Variants in CLEC2B observed in about 807,000 individuals in gnomAD.
CLEC2B encodes the protein C-type lectin domain family 2 member B.
A neutral mutation model predicts 16.2 loss-of-function variants in CLEC2B; 14 were observed. The observed-to-expected ratio is 0.86, with a 90% confidence interval of 0.57 to 1.35. The LOEUF is 1.35. Ranked by LOEUF, CLEC2B falls within the 40% of genes most tolerant of loss-of-function variation. CLEC2B has a pLI of 0.00. For synonymous variants in CLEC2B, 42 were observed against 55.8 expected, an observed-to-expected ratio of 0.75 and a Z score of 1.10; for missense variants, 166 against 182.3, an observed-to-expected ratio of 0.91 and a Z score of 0.52.
At chr12:9,862,289 A>T (rs1867938822) in intron 2 of CLEC2B, among the ~76,000 whole-genome samples, 1 of 152,108 alleles carries the variant, frequency 6.6e-6, no homozygotes, top group Admixed American at 6.6e-5. Flanking sequence ...TGAGATTATC[A>T]GGGTGAATAA....
intron 4 of CLEC2B, among the ~76,000 whole-genome samples, chr12:9,853,820 C>T (rs769817461): frequency 7.2e-5 from 11 of 152,062 alleles, no homozygotes; most frequent in Non-Finnish European, 5.9e-5. Context: ...CCCTTTTCCA[C>T]GACAGAGAGG....
At chr12:9,859,621 G>A (rs762300629) in intron 2 of CLEC2B, among the ~76,000 whole-genome samples, 4 of 151,672 alleles carry the variant, frequency 2.6e-5, no homozygotes, top group Non-Finnish European at 5.9e-5. Flanking sequence ...ACTTCTAATC[G>A]TTTAGGAAAG....
At chr12:9,853,945 C>T (rs532134115) in intron 4 of CLEC2B, among the ~76,000 whole-genome samples, 1 of 152,078 alleles carries the variant, frequency 6.6e-6, no homozygotes, top group East Asian at 1.9e-4. Context: ...AATTATAATG[C>T]TAAAGATATG....
At chr12:9,853,506 G>T in intron 4 of CLEC2B, 98 bp from the exon 5 acceptor site, 1 of 844,026 alleles carries the variant, frequency 1.2e-6, no homozygotes, top group Non-Finnish European at 2.0e-6. Context: ...GTGCTGCAAG[G>T]TGTACTATGG....
Position 9,862,580 on chromosome 12 carries a change from A to C in CLEC2B, c.-2-7T>G, listed in dbSNP as rs749286855. The C allele has an allele frequency of 6.9e-7, 1 of 1,449,814 alleles. No homozygotes were observed. The highest frequency in any genetic ancestry group is 1.3e-5 in the South Asian group (1 of 77,994). 89.8% of individuals were successfully genotyped at this position (1,449,814 alleles called of 1,614,324 possible). The stretch of plus-strand genomic sequence containing the variant: ...TTATGTTTGGTCATCATACCTGAAA[A>C]ATAAAAATAAAGACATTTAGGAGAC... On this transcript the variant is annotated splice_polypyrimidine_tract_variant and splice_region_variant and intron_variant, in intron 1 of 4. Transcript: ENST00000228438.
At chr12:9,861,609 C>T (rs185066773) in intron 2 of CLEC2B, among the ~76,000 whole-genome samples, 1 of 152,138 alleles carries the variant, frequency 6.6e-6, no homozygotes, top group East Asian at 1.9e-4. Context: ...TTGTTCACAA[C>T]CACCCAATTT....
rs760643799 is a variant in CLEC2B at position 9,857,519 on chromosome 12, G to C, written c.192C>G (p.Ser64=). ...TTATAGTTAGGTCGGCATGTTGAGT[G>C]GAACAGTTGTATTTACTTGAATTCC... is the stretch of plus-strand genomic sequence containing the variant. ...GDWNSSKYNC[S]TQHADLTIID... The change falls in exon 3 of 5, where the codon TCC becomes TCG. Residue 64 remains serine, a synonymous_variant. Transcript: ENST00000228438. 6.2e-7 allele frequency: 1 copy of C among 1,610,856 alleles called. No homozygotes were observed. The highest frequency in any genetic ancestry group is 8.5e-7 in the Non-Finnish European group (1 of 1,177,686).
At chr12:9,865,180 CAAAAAA>C (rs56774558) in intron 1 of CLEC2B, among the ~76,000 whole-genome samples, 11 of 99,098 alleles carry the variant, frequency 1.1e-4, no homozygotes, top group East Asian at 2.8e-4. Flanking sequence ...AAGACTCTCT[CAAAAAA>C]AAAAAAAAAA....
chr12:9,865,097 C>T (rs542350994), intron 1 of CLEC2B, among the ~76,000 whole-genome samples: 13 of 148,746 alleles, frequency 8.7e-5, no homozygotes, highest in African/African-American at 2.7e-4. Flanking sequence ...GCAGGAGAGT[C>T]GCTTGAATCC....
At position 9,854,486 on chromosome 12, in the gene CLEC2B, T is replaced by C; in HGVS notation, c.238-2A>G. On this transcript the variant is annotated splice_acceptor_variant, in intron 3 of 4. Transcript: ENST00000228438. LOFTEE classifies it high-confidence loss of function. ...GCATTTATACCGCCTAAGAAAATTC[T>C]TTAGAGACAAAATTAATTTCAAAAT... is the stretch of plus-strand genomic sequence containing the variant. The C allele has an allele frequency of 6.3e-7, 1 of 1,597,604 alleles. No homozygotes were observed. Among genetic ancestry groups the C allele is most frequent in the East Asian group, 2.2e-5 (1 of 44,770 alleles).
intron 1 of CLEC2B, among the ~76,000 whole-genome samples, chr12:9,863,933 A>G (rs1867951427): frequency 6.6e-6 from 1 of 152,174 alleles, no homozygotes; most frequent in Admixed American, 6.5e-5. Context: ...AGAGATAAAG[A>G]TTCAGGCAGA....
chr12:9,861,456 C>T (rs1428359684), intron 2 of CLEC2B, among the ~76,000 whole-genome samples: 2 of 152,136 alleles, frequency 1.3e-5, no homozygotes, highest in African/African-American at 4.8e-5. Flanking sequence ...AATTGGAATT[C>T]TCATATACTT....
Position 9,854,464 on chromosome 12 carries a change from T to C in CLEC2B, c.258A>G (p.Lys86=). Residue 86 remains lysine, a synonymous_variant, in exon 4 of 5, where the codon AAA becomes AAG. Coordinates refer to ENST00000228438, the MANE Select transcript of CLEC2B (RefSeq NM_005127.3). ...GTCCAATCCAGTGATCAGAACTGCA[T>C]TTATACCGCCTAAGAAAATTCTTTA... The part of the protein sequence containing the change: ...IEEMNFLRRY[K]CSSDHWIGLK... The C allele has an allele frequency of 6.2e-7, 1 of 1,612,666 alleles. No individual in the cohort carries two copies. Among genetic ancestry groups the C allele is most frequent in the Non-Finnish European group, 8.5e-7 (1 of 1,178,712 alleles).
At chr12:9,860,073 T>A (rs556838718) in intron 2 of CLEC2B, among the ~76,000 whole-genome samples, 3 of 151,776 alleles carry the variant, frequency 2.0e-5, no homozygotes, top group Admixed American at 6.6e-5. Flanking sequence ...ATTAAAAAAA[T>A]TTTACTGATT....
At chr12:9,859,207 A>T (rs536510126) in intron 2 of CLEC2B, among the ~76,000 whole-genome samples, 188 of 152,120 alleles carry the variant, frequency 1.2e-3, no homozygotes, top group African/African-American at 4.4e-3. Context: ...TTTTGAAAAG[A>T]TAATTATCCT....
Position 9,853,384 on chromosome 12 carries a change from T to C in CLEC2B, c.366A>G (p.Gly122=), listed in dbSNP as rs1316420150. The C allele has an allele frequency of 6.2e-7, 1 of 1,613,986 alleles. No homozygotes were observed. Among genetic ancestry groups the C allele is most frequent in the Admixed American group, 1.7e-5 (1 of 60,014 alleles). The part of the protein sequence containing the change: ...TKSFGMRGSE[G]CAYLSDDGAA... ...CACCATCATCGCTGAGGTAGGCACA[T>C]CCTTCACTCCCTCTCATGCCAAACC... Residue 122 remains glycine (G), a synonymous_variant, in exon 5 of 5, where the codon GGA becomes GGG. Coordinates refer to ENST00000228438, the MANE Select transcript of CLEC2B (RefSeq NM_005127.3).
rs371862204 is a variant in CLEC2B at position 9,854,419 on chromosome 12, T to C, written c.303A>G (p.Arg101=). 3 of 1,613,668 alleles carry C rather than the reference T, an allele frequency of 1.9e-6. No homozygotes were observed. Among genetic ancestry groups the C allele is most frequent in the Middle Eastern group, 3.3e-4 (2 of 6,080 alleles). Residue 101 remains arginine (R), a synonymous_variant, in exon 4 of 5, where the codon CGA becomes CGG. Coordinates refer to ENST00000228438, the MANE Select transcript of CLEC2B (RefSeq NM_005127.3). ...TAGCTCCATCTACCCATTGTCCTGTTCGATTTTTTGCCATCTTCAGTCCAA... is the reference window on the plus strand; with the variant it reads ...TAGCTCCATCTACCCATTGTCCTGTCCGATTTTTTGCCATCTTCAGTCCAA... The part of the protein sequence containing the change: ...HWIGLKMAKN[R]TGQWVDGATF...
At position 9,862,359 on chromosome 12, in the gene CLEC2B, T is replaced by C. The variant is rs1018117927; in HGVS notation, c.73+140A>G. The C allele has an allele frequency of 7.9e-6, 6 of 758,724 alleles. No homozygotes were observed. In the East Asian group the frequency reaches 3.2e-4, roughly 41 times the overall value. The allele number at this position is 758,724 out of a possible 1,614,324, so 47.0% of individuals were successfully genotyped here. ...TACATAGGTCATGTAATTAATAAAATTTATTCATTTGTACCAATTAAATGT... is the reference window on the plus strand; with the variant it reads ...TACATAGGTCATGTAATTAATAAAACTTATTCATTTGTACCAATTAAATGT... On this transcript the variant is annotated intron_variant, in intron 2 of 4. Coordinates refer to ENST00000228438, the MANE Select transcript of CLEC2B (RefSeq NM_005127.3).
At chr12:9,862,945 C>T (rs1022469855) in intron 1 of CLEC2B, among the ~76,000 whole-genome samples, 1 of 152,096 alleles carries the variant, frequency 6.6e-6, no homozygotes, top group African/African-American at 2.4e-5. Context: ...TTGCCCCTGC[C>T]TTAACACTTG....
Sources: gnomAD v4.1 joint callset for allele counts (sites outside exome capture counted in the v4.1 genomes callset) on GRCh38, gnomAD v4.1.1 for gene constraint, MANE v1.5 for transcripts, NCBI Gene and HGNC (gene_info 2026-07-23, HGNC 2026-07-21) for gene names.